Variants in ARHGAP15 observed in about 807,000 individuals in gnomAD.
The protein encoded by ARHGAP15 is Rho GTPase activating protein 15, also known as rho GTPase-activating protein 15.
Under a neutral mutation model 63.7 loss-of-function variants are expected in ARHGAP15, and 51 were observed. The ratio of observed to expected loss-of-function variants is 0.80; its 90% CI spans 0.64 to 1.01. The LOEUF (loss-of-function observed/expected upper bound fraction) is 1.01, where lower values mean the gene tolerates loss of function less well. Ranked by LOEUF, ARHGAP15 falls within the 50% of genes least tolerant of loss-of-function variation. The probability of loss-of-function intolerance (pLI) is 0.00; values close to 1 mark genes in which losing one functional copy is unlikely to be tolerated. For synonymous variants in ARHGAP15, 191 were observed against 193.8 expected (o/e 0.99, Z 0.12); for missense variants, 560 against 564.6 (o/e 0.99, Z 0.08).
chr2:143,387,375 TC>T (rs1687329611), intron 6 of ARHGAP15, among the ~76,000 whole-genome samples: 1 of 152,194 alleles, frequency 6.6e-6, no homozygotes, highest in Non-Finnish European at 1.5e-5. Context: ...CTCAGGAATC[TC>T]CTTCACATTT....
chr2:143,319,228 CTT>C (rs397939107), intron 6 of ARHGAP15, among the ~76,000 whole-genome samples: 10 of 140,408 alleles, frequency 7.1e-5, no homozygotes, highest in East Asian at 2.0e-4. Flanking sequence ...TGGTTCCCGC[CTT>C]TTTTTTTTTT....
chr2:143,489,123 G>A (rs78794766), intron 9 of ARHGAP15, among the ~76,000 whole-genome samples: 1,618 of 152,298 alleles, frequency 0.011, 18 homozygotes, highest in Middle Eastern at 0.017. Context: ...TAATGTCCGA[G>A]TTTTTCACGA....
chr2:143,554,947 C>T (rs534365417), intron 10 of ARHGAP15, among the ~76,000 whole-genome samples: 4 of 152,246 alleles, frequency 2.6e-5, no homozygotes, highest in Non-Finnish European at 4.4e-5. Flanking sequence ...CAATTCCTCA[C>T]AATTTATAGT....
intron 10 of ARHGAP15, among the ~76,000 whole-genome samples, chr2:143,525,191 C>T (rs1165228712): frequency 6.6e-6 from 1 of 152,094 alleles, no homozygotes; most frequent in Non-Finnish European, 1.5e-5. Flanking sequence ...AAGGCTGATA[C>T]TTCCATGAAG....
At chr2:143,211,219 G>A (rs1372624037) in intron 3 of ARHGAP15, among the ~76,000 whole-genome samples, 1 of 151,760 alleles carries the variant, frequency 6.6e-6, no homozygotes, top group Admixed American at 6.6e-5. Flanking sequence ...TGTAAGCAAT[G>A]AGTTCCAAAG....
chr2:143,323,152 C>T (rs142158789), intron 6 of ARHGAP15, among the ~76,000 whole-genome samples: 28 of 152,238 alleles, frequency 1.8e-4, no homozygotes, highest in South Asian at 1.0e-3. Flanking sequence ...AGATAAGCTA[C>T]GTTTATGTTA....
chr2:143,251,117 A>G (rs1003298216), intron 6 of ARHGAP15, among the ~76,000 whole-genome samples: 1 of 152,070 alleles, frequency 6.6e-6, no homozygotes, highest in Non-Finnish European at 1.5e-5. Flanking sequence ...AATAATTGCA[A>G]TCATATTCGA....
At chr2:143,606,477 A>C (rs1276068118) in intron 11 of ARHGAP15, among the ~76,000 whole-genome samples, 1 of 152,186 alleles carries the variant, frequency 6.6e-6, no homozygotes, top group Non-Finnish European at 1.5e-5. Flanking sequence ...TAACTTCCTA[A>C]GTTATCTAGC....
At chr2:143,402,580 G>A (rs552352577) in intron 6 of ARHGAP15, among the ~76,000 whole-genome samples, 3 of 150,014 alleles carry the variant, frequency 2.0e-5, no homozygotes, top group South Asian at 2.1e-4. Flanking sequence ...AAATTGGAAG[G>A]GGGGGTGGGT....
At chr2:143,328,509 G>A (rs1684357557) in intron 6 of ARHGAP15, among the ~76,000 whole-genome samples, 1 of 152,076 alleles carries the variant, frequency 6.6e-6, no homozygotes, top group African/African-American at 2.4e-5. Context: ...AACACTGCAT[G>A]TTCTCATAAG....
intron 8 of ARHGAP15, among the ~76,000 whole-genome samples, chr2:143,471,190 A>AT (rs1691543595): frequency 7.1e-6 from 1 of 141,626 alleles, no homozygotes; most frequent in Non-Finnish European, 1.6e-5. Context: ...GTGTGTATAT[A>AT]TACACACATA....
intron 4 of ARHGAP15, among the ~76,000 whole-genome samples, chr2:143,220,276 G>T (rs1314138469): frequency 6.6e-6 from 1 of 152,072 alleles, no homozygotes; most frequent in Admixed American, 6.6e-5. Context: ...AGGCTGGAGT[G>T]CAGTGATGCC....
In ARHGAP15 at chr2:143,216,419, A is replaced by G; in HGVS notation, c.270A>G (p.Lys90=). The change falls in exon 4 of 14, where the codon AAA becomes AAG. Residue 90 remains lysine, a synonymous_variant. Coordinates refer to ENST00000295095, the MANE Select transcript of ARHGAP15 (RefSeq NM_018460.4). The part of the protein sequence containing the change: ...VEKEGYLQKA[K]IADGGKKLRK... Reference sequence around the variant, plus strand: ...AAGAAGGTTATCTGCAAAAAGCTAAAATTGCAGATGGAGGAAAGAAACTAA... The same window carrying G: ...AAGAAGGTTATCTGCAAAAAGCTAAGATTGCAGATGGAGGAAAGAAACTAA... 1 of 1,611,006 alleles carries G rather than the reference A, an allele frequency of 6.2e-7. No homozygotes were observed. Among genetic ancestry groups the G allele is most frequent in the African/African-American group, 1.3e-5 (1 of 74,870 alleles).
intron 12 of ARHGAP15, among the ~76,000 whole-genome samples, chr2:143,634,310 C>T (rs879636132): frequency 6.6e-6 from 1 of 152,100 alleles, no homozygotes; most frequent in Non-Finnish European, 1.5e-5. Flanking sequence ...TTTCTACCCG[C>T]ACCGCACACC....
chr2:143,494,638 A>G (rs1692736816), intron 9 of ARHGAP15, among the ~76,000 whole-genome samples: 2 of 152,024 alleles, frequency 1.3e-5, no homozygotes, highest in Admixed American at 6.6e-5. Flanking sequence ...GATTCATTCT[A>G]TTTCTATCAA....
chr2:143,609,291 T>C lies in ARHGAP15; in HGVS notation c.1004-14842T>C, dbSNP rs577306050. Among the ~76,000 whole-genome samples, 5 of 152,326 alleles carry C rather than the reference T, an allele frequency of 3.3e-5. No homozygotes were observed. In the South Asian group the frequency reaches 1.0e-3, roughly 32 times the overall value. On this transcript the variant is annotated intron_variant, in intron 11 of 13. Coordinates refer to ENST00000295095, the MANE Select transcript of ARHGAP15 (RefSeq NM_018460.4). ...TCTAGTTATTTTTTTCTACCACCTT[T>C]TTGCTTTTGTACATCAACCTTTTAA...
intron 12 of ARHGAP15, among the ~76,000 whole-genome samples, chr2:143,646,587 T>C (rs190911115): frequency 6.6e-6 from 1 of 152,176 alleles, no homozygotes; most frequent in East Asian, 1.9e-4. Context: ...GAAGCTTAAG[T>C]CTGGATGATT....
At chr2:143,573,751 A>G (rs1696555931) in intron 11 of ARHGAP15, among the ~76,000 whole-genome samples, 1 of 152,282 alleles carries the variant, frequency 6.6e-6, no homozygotes. Context: ...TATGGGATCC[A>G]GTATACCTAG....
chr2:143,293,348 T>C (rs1682492368), intron 6 of ARHGAP15, among the ~76,000 whole-genome samples: 2 of 152,110 alleles, frequency 1.3e-5, no homozygotes, highest in South Asian at 2.1e-4. Context: ...GTTTCTACAC[T>C]CTTAACATGT....
Sources: gnomAD v4.1 joint callset for allele counts (sites outside exome capture counted in the v4.1 genomes callset) on GRCh38, gnomAD v4.1.1 for gene constraint, MANE v1.5 for transcripts, NCBI Gene and HGNC (gene_info 2026-07-23, HGNC 2026-07-21) for gene names.